Variants in CRACD observed in about 807,000 individuals in gnomAD.
CRACD encodes the protein capping protein inhibiting regulator of actin dynamics, also known as capping protein-inhibiting regulator of actin dynamics.
Under a neutral mutation model 106.8 loss-of-function variants are expected in CRACD, and 56 were observed. The observed-to-expected ratio is 0.52, with a 90% CI of 0.42 to 0.66. The LOEUF (loss-of-function observed/expected upper bound fraction) is 0.66. Ranked by LOEUF, CRACD falls within the 30% of genes least tolerant of loss-of-function variation. The pLI, the probability that CRACD is intolerant of heterozygous loss-of-function variation, is 0.00. For synonymous variants in CRACD, 754 were observed against 670.8 expected (o/e 1.12, Z -1.92); for missense variants, 1,730 against 1,623.2 (o/e 1.07, Z -1.13).
intron 2 of CRACD, among the ~76,000 whole-genome samples, chr4:56,254,708 A>C (rs891145320): frequency 2.0e-5 from 3 of 151,912 alleles, no homozygotes; most frequent in Non-Finnish European, 4.4e-5. Context: ...TCTGCCCTAC[A>C]TCTCTAAGAG....
At position 56,310,647 on chromosome 4, in the gene CRACD, T is replaced by C. The variant is rs1745092180; in HGVS notation, c.286-19T>C. On this transcript the variant is annotated intron_variant, in intron 5 of 10. Transcript: ENST00000682029. ...TTCCTGTTCAGGCCTTTGACTTGAA[T>C]GCTCTCTTACTGTTCCAGTCCAGTG... is the stretch of plus-strand genomic sequence containing the variant. 1.9e-6 allele frequency: 3 copies of C among 1,585,060 alleles called. No homozygotes were observed. The highest frequency in any genetic ancestry group is 2.6e-6 in the Non-Finnish European group (3 of 1,153,738).
chr4:56,195,595 A>G lies in CRACD; in HGVS notation c.-189+16165A>G, dbSNP rs1404759259. On this transcript the variant is annotated intron_variant, in intron 2 of 10. Coordinates refer to ENST00000682029, the MANE Select transcript of CRACD (RefSeq NM_001393381.1). ...CAAAACTTAAAAATGGAAATGTTTC[A>G]TAACTGACAATACAGAAGGGCAAAA... Among the ~76,000 whole-genome samples, 4 of 152,344 alleles carry G rather than the reference A, an allele frequency of 2.6e-5. No homozygotes were observed. In the East Asian group the frequency reaches 5.8e-4, roughly 22 times the overall value.
chr4:56,236,009 A>G (rs1300496377), intron 2 of CRACD, among the ~76,000 whole-genome samples: 7 of 152,118 alleles, frequency 4.6e-5, no homozygotes, highest in Admixed American at 3.9e-4. Flanking sequence ...GGTGGCTATT[A>G]AGAACTGAAT....
chr4:56,284,011 G>A (rs1398386634), intron 3 of CRACD, among the ~76,000 whole-genome samples: 2 of 152,152 alleles, frequency 1.3e-5, no homozygotes, highest in East Asian at 3.9e-4. Flanking sequence ...GGAGCTTTCT[G>A]CAGTGACCTC....
intron 2 of CRACD, among the ~76,000 whole-genome samples, chr4:56,257,626 T>A (rs1366334311): frequency 2.0e-5 from 3 of 150,990 alleles, no homozygotes; most frequent in Non-Finnish European, 4.4e-5. Flanking sequence ...GCTCAGGAGG[T>A]CAAGGTTGCA....
chr4:56,098,327 G>C (rs1733662251), intron 1 of CRACD, among the ~76,000 whole-genome samples: 1 of 152,078 alleles, frequency 6.6e-6, no homozygotes, highest in Non-Finnish European at 1.5e-5. Flanking sequence ...TTGATTTTTT[G>C]TGTTTTCATA....
intron 2 of CRACD, among the ~76,000 whole-genome samples, chr4:56,251,493 G>A (rs1025763656): frequency 6.6e-6 from 1 of 152,184 alleles, no homozygotes; most frequent in African/African-American, 2.4e-5. Context: ...TATATGAAAA[G>A]TAAAGCATAA....
intron 1 of CRACD, among the ~76,000 whole-genome samples, chr4:56,095,000 C>G (rs777010052): frequency 1.6e-4 from 24 of 152,284 alleles, no homozygotes; most frequent in Non-Finnish European, 2.6e-4. Flanking sequence ...CTCAGCAATA[C>G]ATTTACATCC....
At chr4:56,099,195 G>A (rs1025840843) in intron 1 of CRACD, among the ~76,000 whole-genome samples, 25 of 152,124 alleles carry the variant, frequency 1.6e-4, no homozygotes, top group African/African-American at 5.8e-4. Context: ...TACCTTCAGA[G>A]TCACATGGAA....
Position 56,324,270 on chromosome 4 carries a change from G to A in CRACD, c.3541+4G>A. The A allele has an allele frequency of 1.2e-6, 2 of 1,612,012 alleles. No homozygotes were observed. The highest frequency in any genetic ancestry group is 1.7e-6 in the Non-Finnish European group (2 of 1,178,866). ...ACTCTTCCTACGTCTGTGACAGGTA[G>A]AGAGCAGGTCCATTGCTTTGTAACT... On this transcript the variant is annotated splice_donor_region_variant and intron_variant, in intron 10 of 10. Transcript: ENST00000682029.
At chr4:56,116,388 T>C (rs373312037) in intron 1 of CRACD, among the ~76,000 whole-genome samples, 348 of 152,350 alleles carry the variant, frequency 2.3e-3, no homozygotes, top group African/African-American at 7.6e-3. Flanking sequence ...GGGGTAGATA[T>C]TATTCTGTTC....
chr4:56,223,210 CTTGATTCTTTTCTCTTTTTTTTT>C (rs1373242109), intron 2 of CRACD, among the ~76,000 whole-genome samples: 3 of 131,558 alleles, frequency 2.3e-5, no homozygotes, highest in African/African-American at 9.3e-5. Flanking sequence ...TTTCGTTTTT[CTTGATTCTTTTCTCTTTTTTTTT>C]TTTCCTAATA....
intron 3 of CRACD, among the ~76,000 whole-genome samples, chr4:56,279,971 T>G (rs1287031873): frequency 2.9e-4 from 43 of 147,094 alleles, no homozygotes; most frequent in Admixed American, 2.0e-3. Flanking sequence ...CCATAAAAAA[T>G]GATGAGTTCA....
intron 1 of CRACD, among the ~76,000 whole-genome samples, chr4:56,067,191 A>C (rs1732491384): frequency 6.6e-6 from 1 of 152,098 alleles, no homozygotes; most frequent in Non-Finnish European, 1.5e-5. Flanking sequence ...AATCCAGAAG[A>C]GAAAAAAAAA....
chr4:56,182,217 T>C (rs1736857480), intron 2 of CRACD, among the ~76,000 whole-genome samples: 1 of 151,878 alleles, frequency 6.6e-6, no homozygotes, highest in Admixed American at 6.6e-5. Context: ...CCTGTCTCTA[T>C]AAAAATCACA....
intron 3 of CRACD, among the ~76,000 whole-genome samples, chr4:56,278,123 T>C (rs1470582738): frequency 6.6e-6 from 1 of 152,172 alleles, no homozygotes; most frequent in East Asian, 1.9e-4. Flanking sequence ...ATCAAAATCC[T>C]AGCTGTCTTT....
At chr4:56,094,602 C>T (rs569821486) in intron 1 of CRACD, among the ~76,000 whole-genome samples, 39 of 152,006 alleles carry the variant, frequency 2.6e-4, no homozygotes, top group African/African-American at 8.9e-4. Flanking sequence ...TACAGGCATG[C>T]GCCACCACAC....
chr4:56,136,377 A>C (rs1056676134), intron 1 of CRACD, among the ~76,000 whole-genome samples: 30 of 152,232 alleles, frequency 2.0e-4, no homozygotes, highest in African/African-American at 7.2e-4. Flanking sequence ...CATTCTCACT[A>C]GCAGTATATG....
At chr4:56,266,327 T>C (rs1260287608) in intron 2 of CRACD, among the ~76,000 whole-genome samples, 2 of 152,192 alleles carry the variant, frequency 1.3e-5, no homozygotes, top group Non-Finnish European at 2.9e-5. Context: ...TCATAGCTAG[T>C]AAAAGATGGG....
Sources: gnomAD v4.1 joint callset for allele counts (sites outside exome capture counted in the v4.1 genomes callset) on GRCh38, gnomAD v4.1.1 for gene constraint, MANE v1.5 for transcripts, NCBI Gene and HGNC (gene_info 2026-07-23, HGNC 2026-07-21) for gene names.